BRSK2: variants seen among roughly 807,000 people sequenced by gnomAD.
The protein encoded by BRSK2 is serine/threonine-protein kinase BRSK2.
In BRSK2, 19 loss-of-function variants were observed where a neutral mutation model predicts 83.3. That is an observed-to-expected ratio of 0.23 (90% CI 0.16 to 0.33). The LOEUF (loss-of-function observed/expected upper bound fraction) is 0.33. Ranked by LOEUF, BRSK2 falls within the 10% of genes least tolerant of loss-of-function variation. The pLI, the probability that BRSK2 is intolerant of heterozygous loss-of-function variation, is 1.00. For missense variants in BRSK2, 798 were observed against 1,042.3 expected (o/e 0.77, Z 3.23); for synonymous variants, 519 against 435.4 (o/e 1.19, Z -2.39).
chr11:1,405,853 C>T (rs928818494), intron 1 of BRSK2, among the ~76,000 whole-genome samples: 2 of 152,156 alleles, frequency 1.3e-5, no homozygotes, highest in Non-Finnish European at 2.9e-5. Context: ...AGCCCCTGCT[C>T]CTTGGCCCCG....
At chr11:1,409,806 G>A (rs1033515597) in intron 1 of BRSK2, 1 of 152,154 alleles carries the variant, frequency 6.6e-6, no homozygotes. Context: ...GGAGACACAG[G>A]TTTTCTGAGC....
At chr11:1,410,396 G>A (rs1209088734) in intron 1 of BRSK2, 1 of 972,632 alleles carries the variant, frequency 1.0e-6, no homozygotes, top group Non-Finnish European at 1.2e-6. Flanking sequence ...GTTTGGGGGG[G>A]TTTGTGACGT....
At chr11:1,397,217 C>G (rs959358776) in intron 1 of BRSK2, among the ~76,000 whole-genome samples, 9 of 152,228 alleles carry the variant, frequency 5.9e-5, no homozygotes, top group Non-Finnish European at 1.3e-4. Flanking sequence ...GAGGCCTCAC[C>G]CCAGGGATGT....
Position 1,442,516 on chromosome 11 carries a change from T to A in BRSK2, c.440T>A (p.Leu147His). ...ICHRDLKPEN[L>H]LLDEKNNIRI... ...CACAGGGATCTGAAACCTGAAAACCTCCTGCTGGACGAGAAGAACAACATC... is the reference window on the plus strand; with the variant it reads ...CACAGGGATCTGAAACCTGAAAACCACCTGCTGGACGAGAAGAACAACATC... Residue 147 changes from leucine to histidine, a missense_variant, in exon 5 of 20, where the codon CTC becomes CAC. By Grantham distance (99) the Leu-to-His change is moderately conservative. Transcript: ENST00000528841. 6.2e-7 allele frequency: 1 copy of A among 1,612,934 alleles called. No individual in the cohort carries two copies. The highest frequency in any genetic ancestry group is 8.5e-7 in the Non-Finnish European group (1 of 1,179,690).
chr11:1,402,200 G>T (rs897270265), intron 1 of BRSK2, among the ~76,000 whole-genome samples: 15 of 152,250 alleles, frequency 9.9e-5, no homozygotes, highest in African/African-American at 3.6e-4. Context: ...CTCTCCAGAG[G>T]CGGTGGGTGT....
At chr11:1,429,423 G>A (rs1303914049) in intron 1 of BRSK2, among the ~76,000 whole-genome samples, 3 of 110,980 alleles carry the variant, frequency 2.7e-5, no homozygotes, top group African/African-American at 7.6e-5. Context: ...CACGCATGGA[G>A]GTATGCACAC....
chr11:1,405,013 G>A (rs1227514980), intron 1 of BRSK2, among the ~76,000 whole-genome samples: 30 of 34,192 alleles, frequency 8.8e-4, no homozygotes, highest in Admixed American at 6.4e-3. Context: ...TAGGGGGTGG[G>A]GGTGGCTCTC....
intron 1 of BRSK2, among the ~76,000 whole-genome samples, chr11:1,419,128 G>A (rs1483876454): frequency 6.8e-6 from 1 of 146,922 alleles, no homozygotes; most frequent in Non-Finnish European, 1.5e-5. Context: ...CGTGTCAGGT[G>A]TGAGTCTGGG....
intron 1 of BRSK2, chr11:1,411,321 G>A (rs1184227945): frequency 1.5e-6 from 2 of 1,355,598 alleles, no homozygotes; most frequent in African/African-American, 1.5e-5. Context: ...GGGTCCTGAA[G>A]CTGGGGCCGG....
At position 1,445,332 on chromosome 11, in the gene BRSK2, C is replaced by T. The variant is rs1851882103; in HGVS notation, c.851C>T (p.Pro284Leu). ...KNEPEPEQPI[P>L]RKVQIRSLPS... ...GAGCCCGAACCAGAGCAGCCCATTC[C>T]TCGCAAGGTGCAGATCCGCTCGCTG... The change falls in exon 10 of 20, where the codon CCT becomes CTT. Residue 284 changes from proline to leucine, a missense_variant. Physicochemically the swap from Pro to Leu is moderately conservative, Grantham distance 98. This residue lies in a region of BRSK2 where 145 missense variants were observed against 225.4 expected (regional missense o/e 0.64). Coordinates refer to ENST00000528841, the MANE Select transcript of BRSK2 (RefSeq NM_001256627.2). The T allele has an allele frequency of 3.1e-6, 5 of 1,611,314 alleles. No homozygotes were observed. The highest frequency in any genetic ancestry group is 1.3e-5 in the African/African-American group (1 of 74,914).
intron 4 of BRSK2, 24 bp from the exon 5 acceptor site, chr11:1,442,466 C>T: frequency 6.3e-7 from 1 of 1,589,096 alleles, no homozygotes; most frequent in Non-Finnish European, 8.6e-7. Context: ...TGGCCCTGTT[C>T]AGCCTCACCA....
At chr11:1,399,684 C>T (rs1026436916) in intron 1 of BRSK2, among the ~76,000 whole-genome samples, 1 of 152,198 alleles carries the variant, frequency 6.6e-6, no homozygotes, top group African/African-American at 2.4e-5. Context: ...ACCCCGGACA[C>T]ATCCCATGTC....
intron 19 of BRSK2, 108 bp from the exon 20 acceptor site, chr11:1,460,388 CATTT>C: frequency 3.1e-6 from 3 of 958,604 alleles, no homozygotes; most frequent in Non-Finnish European, 4.2e-6. Flanking sequence ...CCTCTTCGTT[CATTT>C]GTTTGTTTGT....
In BRSK2 at chr11:1,456,509, C is replaced by T; in HGVS notation, c.1830C>T (p.Val610=). 1 of 1,579,028 alleles carries T rather than the reference C, an allele frequency of 6.3e-7. No homozygotes were observed. Among genetic ancestry groups the T allele is most frequent in the East Asian group, 2.2e-5 (1 of 44,462 alleles). Residue 610 remains valine (V), a synonymous_variant, in exon 17 of 20, where the codon GTC becomes GTT. Coordinates refer to ENST00000528841, the MANE Select transcript of BRSK2 (RefSeq NM_001256627.2). The stretch of plus-strand genomic sequence containing the variant: ...AGAAGGAGAACGGCATCTACTCCGT[C>T]ACCTTCACCCTGCTCTCAGGTGAGC... ...EAQKENGIYS[V]TFTLLSGPSR... is the part of the protein sequence containing the mutation.
intron 1 of BRSK2, among the ~76,000 whole-genome samples, chr11:1,391,842 C>T (rs1226124717): frequency 1.3e-5 from 2 of 152,128 alleles, no homozygotes; most frequent in African/African-American, 4.8e-5. Context: ...TAAATGAAGA[C>T]ACGATGAGTT....
intron 1 of BRSK2, among the ~76,000 whole-genome samples, chr11:1,403,094 AC>A (rs2134060282): frequency 6.6e-6 from 1 of 151,962 alleles, no homozygotes; most frequent in African/African-American, 2.4e-5. Flanking sequence ...CCGGCCTCTC[AC>A]CCATGGGGTG....
chr11:1,422,896 C>T (rs1367399411), intron 1 of BRSK2, among the ~76,000 whole-genome samples: 2 of 152,232 alleles, frequency 1.3e-5, no homozygotes, highest in Non-Finnish European at 2.9e-5. Context: ...GCCCCACAGC[C>T]AGTCCCAACC....
At position 1,428,395 on chromosome 11, in the gene BRSK2, G is replaced by A. The variant is rs186250456; in HGVS notation, c.92-7645G>A. Among the ~76,000 whole-genome samples the A allele has an allele frequency of 2.7e-3, 417 of 152,358 alleles. 1 individual carries two copies. The highest frequency in any genetic ancestry group is 4.1e-3 in the Non-Finnish European group (277 of 68,036). ...CTCTGGGAAGGTGGGTGCTTGCCAG[G>A]AATGCCTTCTTCCATGTGGTCCACT... On this transcript the variant is annotated intron_variant, in intron 1 of 19. Coordinates refer to ENST00000528841, the MANE Select transcript of BRSK2 (RefSeq NM_001256627.2).
In BRSK2 at chr11:1,460,901, C is replaced by G; in HGVS notation, c.*178C>G. On this transcript the variant is annotated 3_prime_UTR_variant, in exon 20 of 20. Transcript: ENST00000528841. Reference sequence around the variant, plus strand: ...CTGTGGGCTGCGCCACCCGCGCCCGCTCTCTTTTCTCTCTGTCTCTGCCTC... The same window carrying G: ...CTGTGGGCTGCGCCACCCGCGCCCGGTCTCTTTTCTCTCTGTCTCTGCCTC... The G allele has an allele frequency of 6.2e-7, 1 of 1,609,114 alleles. No homozygotes were observed. Among genetic ancestry groups the G allele is most frequent in the Non-Finnish European group, 8.5e-7 (1 of 1,178,316 alleles).
Sources: allele counts gnomAD v4.1 joint callset (sites outside exome capture counted in the v4.1 genomes callset), GRCh38; gene constraint gnomAD v4.1.1; regional missense constraint gnomAD v4.1.1; transcripts MANE v1.5; gene names NCBI Gene and HGNC (gene_info 2026-07-23, HGNC 2026-07-21).